TTC7B: variants seen among roughly 807,000 people sequenced by gnomAD.
The protein encoded by TTC7B is tetratricopeptide repeat protein 7B.
Under a neutral mutation model 106.8 loss-of-function variants are expected in TTC7B, and 28 were observed. The ratio of observed to expected loss-of-function variants is 0.26; its 90% CI spans 0.19 to 0.36. The LOEUF (loss-of-function observed/expected upper bound fraction) is 0.36, where lower values mean the gene tolerates loss of function less well. Among genes scored for constraint, TTC7B ranks in the 10% least tolerant of loss-of-function variants. The pLI is 1.00. For synonymous variants in TTC7B, 405 were observed against 430.6 expected, an observed-to-expected ratio of 0.94 and a Z score of 0.74; for missense variants, 862 against 1,076.4, an observed-to-expected ratio of 0.80 and a Z score of 2.79.
intron 14 of TTC7B, among the ~76,000 whole-genome samples, chr14:90,646,279 T>A (rs1056274101): frequency 2.0e-5 from 3 of 152,118 alleles, no homozygotes; most frequent in Admixed American, 1.3e-4. Context: ...GTCTTGCACC[T>A]GGTGGGTGGC....
At chr14:90,740,271 G>A (rs1163554509) in intron 4 of TTC7B, among the ~76,000 whole-genome samples, 1 of 152,102 alleles carries the variant, frequency 6.6e-6, no homozygotes, top group Non-Finnish European at 1.5e-5. Flanking sequence ...CTCTCAGCAA[G>A]GGCCACTTCT....
intron 13 of TTC7B, among the ~76,000 whole-genome samples, chr14:90,652,177 G>C (rs1011617651): frequency 4.6e-5 from 7 of 152,208 alleles, no homozygotes; most frequent in African/African-American, 1.7e-4. Context: ...GGCAGCTCCT[G>C]TAACTCCTGC....
chr14:90,617,385 T>C (rs539703185), intron 16 of TTC7B, among the ~76,000 whole-genome samples: 4 of 152,240 alleles, frequency 2.6e-5, no homozygotes, highest in Non-Finnish European at 4.4e-5. Flanking sequence ...GGTCTTAACA[T>C]TTTCCTGGTT....
At position 90,624,189 on chromosome 14, in the gene TTC7B, C is replaced by T. The variant is rs1884339730; in HGVS notation, c.1752-6144G>A. Among the ~76,000 whole-genome samples, 1 of 152,158 alleles carries T rather than the reference C, an allele frequency of 6.6e-6. No homozygotes were observed. Among genetic ancestry groups the T allele is most frequent in the Admixed American group, 6.5e-5 (1 of 15,278 alleles). ...ACATAAAATCTGGTTTTTTGAAGGA[C>T]CTCGTTAATCAAAGTTTTACTTTTC... On this transcript the variant is annotated intron_variant, in intron 15 of 19. Transcript: ENST00000328459. The surrounding 1 kb of genome is among the most constrained non-coding windows in gnomAD (Gnocchi z 4.0).
At chr14:90,562,753 G>A (rs977076250) in intron 19 of TTC7B, among the ~76,000 whole-genome samples, 1 of 152,118 alleles carries the variant, frequency 6.6e-6, no homozygotes. Flanking sequence ...CTAACAAAAT[G>A]AACAGTACCT....
At position 90,792,342 on chromosome 14, in the gene TTC7B, C is replaced by T. The variant is rs183758191; in HGVS notation, c.122-6014G>A. The stretch of plus-strand genomic sequence containing the variant: ...CTGTAATCTCAGCACTTTGGGAGGC[C>T]GAGGCAGGTGGATCGCTTGAGGTCA... On this transcript the variant is annotated intron_variant, in intron 1 of 19. Transcript: ENST00000328459. 1.4e-3 allele frequency among the ~76,000 whole-genome samples: 208 copies of T among 152,036 alleles called. 1 individual carries two copies. The highest frequency in any genetic ancestry group is 4.6e-3 in the African/African-American group (190 of 41,480).
chr14:90,582,863 G>A (rs1343080961), intron 18 of TTC7B, among the ~76,000 whole-genome samples: 1 of 152,204 alleles, frequency 6.6e-6, no homozygotes, highest in Non-Finnish European at 1.5e-5. Context: ...CTTTAGTGGT[G>A]GGGTTTCAGA....
chr14:90,601,233 G>A (rs190623397), intron 17 of TTC7B, among the ~76,000 whole-genome samples: 17 of 152,270 alleles, frequency 1.1e-4, no homozygotes, highest in Non-Finnish European at 1.9e-4. Context: ...TCATCACAGA[G>A]TGATGCTCCC....
At chr14:90,720,219 T>C (rs1461124436) in intron 5 of TTC7B, among the ~76,000 whole-genome samples, 3 of 152,084 alleles carry the variant, frequency 2.0e-5, no homozygotes, top group Non-Finnish European at 2.9e-5. Flanking sequence ...CATCTTCAGG[T>C]TTCTGCTCAG....
intron 19 of TTC7B, among the ~76,000 whole-genome samples, chr14:90,556,161 A>T (rs759959891): frequency 5.3e-5 from 8 of 152,258 alleles, no homozygotes; most frequent in Admixed American, 6.5e-5. Context: ...CACTGGCGGC[A>T]GCGCTGGCTG....
chr14:90,619,640 C>T (rs1893229017), intron 15 of TTC7B, among the ~76,000 whole-genome samples: 1 of 152,334 alleles, frequency 6.6e-6, no homozygotes, highest in Non-Finnish European at 1.5e-5. Flanking sequence ...TTTGGCACTT[C>T]ACACGCTGTC....
chr14:90,737,141 C>T (rs562755664), intron 4 of TTC7B, among the ~76,000 whole-genome samples: 4 of 152,206 alleles, frequency 2.6e-5, no homozygotes, highest in Non-Finnish European at 2.9e-5. Context: ...AAAGAGTTAA[C>T]ATACTTATGA....
At chr14:90,605,089 C>A (rs1892583645) in intron 17 of TTC7B, among the ~76,000 whole-genome samples, 1 of 152,092 alleles carries the variant, frequency 6.6e-6, no homozygotes, top group Admixed American at 6.5e-5. Flanking sequence ...GGGGTGGGGA[C>A]CAGGGGATCC....
At chr14:90,760,717 T>C (rs541205184) in intron 3 of TTC7B, among the ~76,000 whole-genome samples, 1 of 152,246 alleles carries the variant, frequency 6.6e-6, no homozygotes, top group Non-Finnish European at 1.5e-5. Flanking sequence ...TGTTACTTGC[T>C]GGGGCCTTGC....
intron 3 of TTC7B, among the ~76,000 whole-genome samples, chr14:90,755,895 T>C (rs1284890952): frequency 6.6e-6 from 1 of 152,246 alleles, no homozygotes; most frequent in Non-Finnish European, 1.5e-5. Context: ...ACTCAATAAG[T>C]ACTCTTCTCA....
At chr14:90,626,265 C>T (rs1186813356) in intron 15 of TTC7B, among the ~76,000 whole-genome samples, 2 of 152,334 alleles carry the variant, frequency 1.3e-5, no homozygotes, top group African/African-American at 4.8e-5. Flanking sequence ...TCTTGGAAGA[C>T]ATTTTTCAGG....
At position 90,534,587 on chromosome 14, in the gene TTC7B, G is replaced by A. The variant is rs1889370502; in HGVS notation, c.*6781C>T. 1 of 152,766 alleles carries A rather than the reference G, an allele frequency of 6.5e-6. No homozygotes were observed. 9.5% of individuals were successfully genotyped at this position (152,766 alleles called of 1,614,324 possible). On this transcript the variant is annotated 3_prime_UTR_variant, in exon 20 of 20. Transcript: ENST00000328459. The stretch of plus-strand genomic sequence containing the variant: ...AATGCCCACCCTGTCGGCCTTGAGA[G>A]GTGGTGGGGGAGGAGCAGGAATGAG...
intron 19 of TTC7B, among the ~76,000 whole-genome samples, chr14:90,550,061 G>A (rs1029613272): frequency 2.6e-5 from 4 of 152,052 alleles, no homozygotes; most frequent in African/African-American, 2.4e-5. Context: ...AGAATACACC[G>A]CCTTCTAACT....
chr14:90,805,725 G>A lies in TTC7B; in HGVS notation c.121+10450C>T, dbSNP rs915436955. On this transcript the variant is annotated intron_variant, in intron 1 of 19. Transcript: ENST00000328459. The surrounding 1 kb of genome is among the most constrained non-coding windows in gnomAD (Gnocchi z 4.0). ...GTATACAGAGATAAAGCCTGAAGCC[G>A]AATAGAGACCACTAGTGAGACTCTC... is the stretch of plus-strand genomic sequence containing the variant. Among the ~76,000 whole-genome samples the A allele has an allele frequency of 5.9e-5, 9 of 152,352 alleles. No homozygotes were observed. Among genetic ancestry groups the A allele is most frequent in the Admixed American group, 2.6e-4 (4 of 15,300 alleles).
Sources: gnomAD v4.1 joint callset for allele counts (sites outside exome capture counted in the v4.1 genomes callset) on GRCh38, gnomAD v4.1.1 for gene constraint, Gnocchi (gnomAD v3.1) non-coding constraint, MANE v1.5 for transcripts, NCBI Gene and HGNC (gene_info 2026-07-23, HGNC 2026-07-21) for gene names.